Variants in CAST observed in about 807,000 individuals in gnomAD.
CAST encodes MIR583 host.
In CAST, 76 loss-of-function variants were observed where a neutral mutation model predicts 119.6. The ratio of observed to expected loss-of-function variants is 0.64; its 90% CI spans 0.53 to 0.77. The LOEUF (loss-of-function observed/expected upper bound fraction) is 0.77. Ranked by LOEUF, CAST falls within the 30% of genes least tolerant of loss-of-function variation. The pLI is 0.00. For missense variants in CAST, 953 were observed against 946.5 expected (o/e 1.01, Z -0.09); for synonymous variants, 319 against 331.6 (o/e 0.96, Z 0.41).
chr5:96,059,588 TAAGGGAGTGGTATGTG>T, the CAST span, among the ~76,000 whole-genome samples: 7,310 of 152,096 alleles, frequency 0.048, 336 homozygotes, highest in African/African-American at 0.11. Context: ...GGCTTCCTGT[TAAGGGAGTGGTATGTG>T]AAGGGAGTGG....
intron 10 of CAST, among the ~76,000 whole-genome samples, chr5:96,737,213 T>C (rs1208331991): frequency 6.6e-6 from 1 of 152,182 alleles, no homozygotes; most frequent in African/African-American, 2.4e-5. Flanking sequence ...ATATCAGTTA[T>C]ACTGATTTAA....
chr5:96,732,889 G>C (rs1187548230), intron 9 of CAST, among the ~76,000 whole-genome samples: 1 of 152,126 alleles, frequency 6.6e-6, no homozygotes, highest in Non-Finnish European at 1.5e-5. Flanking sequence ...AGCAAGTGAA[G>C]GAACAATGAG....
the CAST span, among the ~76,000 whole-genome samples, chr5:96,112,703 C>T: frequency 2.0e-5 from 3 of 152,230 alleles, no homozygotes; most frequent in Non-Finnish European, 4.4e-5. Flanking sequence ...ATGGAAAATG[C>T]ATTTAATACA....
At chr5:96,647,586 G>A (rs1297084021) in intron 1 of CAST, among the ~76,000 whole-genome samples, 1 of 151,984 alleles carries the variant, frequency 6.6e-6, no homozygotes, top group Non-Finnish European at 1.5e-5. Context: ...TTTTTATAGA[G>A]GTAATCAAGT....
the CAST span, among the ~76,000 whole-genome samples, chr5:96,291,287 T>A: frequency 6.6e-6 from 1 of 152,254 alleles, no homozygotes; most frequent in South Asian, 2.1e-4. Flanking sequence ...TAATTTGTTA[T>A]GCAGCTGTAG....
At chr5:96,016,794 C>G in the CAST span, among the ~76,000 whole-genome samples, 1 of 147,046 alleles carries the variant, frequency 6.8e-6, no homozygotes, top group African/African-American at 2.5e-5. Context: ...AGGTGACATT[C>G]TCTCAGAGTG....
the CAST span, among the ~76,000 whole-genome samples, chr5:96,333,155 A>G: frequency 6.6e-6 from 1 of 151,400 alleles, no homozygotes; most frequent in Non-Finnish European, 1.5e-5. Context: ...CTCGGTGTGA[A>G]GCGGTGACCC....
chr5:96,402,726 T>C, the CAST span, among the ~76,000 whole-genome samples: 6 of 152,122 alleles, frequency 3.9e-5, no homozygotes, highest in Admixed American at 1.3e-4. Flanking sequence ...GCTTTCATTT[T>C]TGGCTTGTTG....
intron 25 of CAST, among the ~76,000 whole-genome samples, chr5:96,763,435 T>C (rs1246478263): frequency 1.3e-5 from 2 of 152,214 alleles, no homozygotes; most frequent in Non-Finnish European, 2.9e-5. Flanking sequence ...GAAGAATCAT[T>C]AATAGCCTAG....
At chr5:96,486,334 G>T in the CAST span, among the ~76,000 whole-genome samples, 1 of 152,116 alleles carries the variant, frequency 6.6e-6, no homozygotes, top group Non-Finnish European at 1.5e-5. Context: ...TGAGGAAAAG[G>T]TAGCCAAGTC....
At chr5:96,371,580 TAGGAGGC>T in the CAST span, among the ~76,000 whole-genome samples, 1 of 152,242 alleles carries the variant, frequency 6.6e-6, no homozygotes, top group Non-Finnish European at 1.5e-5. Context: ...TATCTTCTAT[TAGGAGGC>T]TCTCTGTCTC....
chr5:96,513,670 T>C, the CAST span, among the ~76,000 whole-genome samples: 4 of 152,234 alleles, frequency 2.6e-5, no homozygotes, highest in Non-Finnish European at 5.9e-5. Context: ...TTGCCAGTCT[T>C]GCCAGATCTG....
At chr5:96,211,442 T>C in the CAST span, among the ~76,000 whole-genome samples, 2 of 152,050 alleles carry the variant, frequency 1.3e-5, no homozygotes, top group Admixed American at 6.6e-5. Flanking sequence ...ATTACACTGA[T>C]TGATTTTCAA....
chr5:96,542,049 G>A (rs1745922858), intron 1 of CAST, among the ~76,000 whole-genome samples: 1 of 152,162 alleles, frequency 6.6e-6, no homozygotes, highest in Non-Finnish European at 1.5e-5. Context: ...GGTGGCTCAC[G>A]CCTGTAATCC....
At chr5:96,027,886 T>C in the CAST span, among the ~76,000 whole-genome samples, 1 of 152,078 alleles carries the variant, frequency 6.6e-6, no homozygotes, top group African/African-American at 2.4e-5. Flanking sequence ...GACCTGCCTG[T>C]TAGAAGATGG....
At chr5:96,201,952 AAAAATAAAAT>A in the CAST span, among the ~76,000 whole-genome samples, 4 of 151,900 alleles carry the variant, frequency 2.6e-5, no homozygotes, top group East Asian at 3.9e-4. Context: ...AAGATGAAAT[AAAAATAAAAT>A]AAAATAAAAT....
At chr5:96,577,563 T>C (rs1328335019) in intron 1 of CAST, among the ~76,000 whole-genome samples, 1 of 152,110 alleles carries the variant, frequency 6.6e-6, no homozygotes, top group Admixed American at 6.6e-5. Flanking sequence ...AGATCCCACA[T>C]AATCTCATAT....
At chr5:96,653,442 A>G (rs918342546) in intron 1 of CAST, among the ~76,000 whole-genome samples, 2 of 152,258 alleles carry the variant, frequency 1.3e-5, no homozygotes, top group African/African-American at 4.8e-5. Flanking sequence ...GAGGAAGTGT[A>G]GTTAGTAGAC....
chr5:96,168,447 A>G, the CAST span, among the ~76,000 whole-genome samples: 7 of 152,212 alleles, frequency 4.6e-5, no homozygotes, highest in Non-Finnish European at 8.8e-5. Context: ...AGGCATATTT[A>G]GAGTCAGTAT....
Sources: gnomAD v4.1 joint callset for allele counts (sites outside exome capture counted in the v4.1 genomes callset) on GRCh38, gnomAD v4.1.1 for gene constraint, MANE v1.5 for transcripts, NCBI Gene and HGNC (gene_info 2026-07-23, HGNC 2026-07-21) for gene names.